The following CACNA2D1 variants were observed in gnomAD, a reference collection of about 807,000 sequenced individuals.
CACNA2D1 encodes the protein calcium voltage-gated channel auxiliary subunit alpha2delta 1.
A neutral mutation model predicts 171.5 loss-of-function variants in CACNA2D1; 53 were observed. The ratio of observed to expected loss-of-function variants is 0.31; its 90% CI spans 0.25 to 0.39. The LOEUF (loss-of-function observed/expected upper bound fraction) is 0.39. Ranked by LOEUF, CACNA2D1 falls within the 10% of genes least tolerant of loss-of-function variation. The pLI, the probability that CACNA2D1 is intolerant of heterozygous loss-of-function variation, is 1.00. For missense variants in CACNA2D1, 903 were observed against 1,299.8 expected (o/e 0.69, Z 4.69); for synonymous variants, 442 against 443.1 (o/e 1.00, Z 0.03).
At chr7:82,111,192 G>T (rs1788328863) in intron 6 of CACNA2D1, among the ~76,000 whole-genome samples, 1 of 149,882 alleles carries the variant, frequency 6.7e-6, no homozygotes, top group Non-Finnish European at 1.5e-5. Flanking sequence ...TGCTTCTGAG[G>T]TAATTAAATG....
intron 38 of CACNA2D1, among the ~76,000 whole-genome samples, chr7:81,951,985 T>TTTGTTTTTTTTTTTTTTG (rs1792634763): frequency 1.3e-5 from 2 of 148,980 alleles, no homozygotes; most frequent in Admixed American, 6.7e-5. Context: ...TTTTTTTTTT[T>TTTGTTTTTTTTTTTTTTG]TTTTTTAACC....
chr7:82,355,212 A>G (rs1193635725), intron 1 of CACNA2D1, among the ~76,000 whole-genome samples: 3 of 152,152 alleles, frequency 2.0e-5, no homozygotes, highest in African/African-American at 7.2e-5. Flanking sequence ...AGAAAGTTTA[A>G]TAGTTTGAAA....
chr7:81,968,990 T>C lies in CACNA2D1; in HGVS notation c.2309-17A>G, dbSNP rs1562794965. 1.6e-6 allele frequency: 2 copies of C among 1,267,118 alleles called. No individual in the cohort carries two copies. The highest frequency in any genetic ancestry group is 2.3e-6 in the Non-Finnish European group (2 of 869,060). The allele number at this position is 1,267,118 out of a possible 1,614,324, so 78.5% of individuals were successfully genotyped here. ...GTCCACTTTCTAAAAAAAAAATAAA[T>C]AAATAAAACACCTATCAAGATATAT... is the stretch of plus-strand genomic sequence containing the variant. On this transcript the variant is annotated splice_polypyrimidine_tract_variant and intron_variant, in intron 28 of 38. Transcript: ENST00000356860.
chr7:82,164,857 C>T (rs1479958772), intron 4 of CACNA2D1, among the ~76,000 whole-genome samples: 2 of 151,762 alleles, frequency 1.3e-5, no homozygotes, highest in African/African-American at 2.4e-5. Context: ...AAATACAGTA[C>T]ACTCCCATTT....
Position 82,349,629 on chromosome 7 carries a change from T to G in CACNA2D1, c.116A>C (p.Lys39Thr), listed in dbSNP as rs776939237. The G allele has an allele frequency of 6.2e-7, 1 of 1,613,688 alleles. No individual in the cohort carries two copies. Among genetic ancestry groups the G allele is most frequent in the South Asian group, 1.1e-5 (1 of 91,078 alleles). Residue 39 changes from lysine (K) to threonine (T), a missense_variant, in exon 2 of 39, where the codon AAG (lysine) becomes ACG (threonine). Lys to Thr is a moderately conservative substitution (Grantham distance 78). Coordinates refer to ENST00000356860, the MANE Select transcript of CACNA2D1 (RefSeq NM_000722.4). ...CAGTGTGACAAGGTCTTCTTGCATC[T>G]TATCCACCCATGATTTGATACTGCA... ...SAVTIKSWVD[K>T]MQEDLVTLAK...
chr7:82,270,185 G>GT (rs936869856), intron 3 of CACNA2D1, among the ~76,000 whole-genome samples: 1 of 151,928 alleles, frequency 6.6e-6, no homozygotes, highest in Non-Finnish European at 1.5e-5. Flanking sequence ...CTTTGTTTTT[G>GT]TTTTTTGCTT....
intron 3 of CACNA2D1, among the ~76,000 whole-genome samples, chr7:82,276,429 C>G (rs1296602508): frequency 6.6e-6 from 1 of 152,150 alleles, no homozygotes; most frequent in African/African-American, 2.4e-5. Context: ...CAGACCCACC[C>G]TGGCCGTGGC....
intron 1 of CACNA2D1, among the ~76,000 whole-genome samples, chr7:82,358,679 T>C (rs986687784): frequency 2.0e-5 from 3 of 151,936 alleles, no homozygotes; most frequent in African/African-American, 7.2e-5. Context: ...TTCTGTTTTT[T>C]TTTTCTGCTC....
chr7:82,348,202 A>C (rs927576919), intron 2 of CACNA2D1, among the ~76,000 whole-genome samples: 5 of 152,050 alleles, frequency 3.3e-5, no homozygotes, highest in Admixed American at 3.3e-4. Flanking sequence ...ATCTAAATGA[A>C]AATTAACAAA....
chr7:81,959,280 C>T lies in CACNA2D1; in HGVS notation c.3154G>A (p.Val1052Ile). The T allele has an allele frequency of 1.9e-6, 3 of 1,597,792 alleles. No individual in the cohort carries two copies. The highest frequency in any genetic ancestry group is 1.3e-5 in the African/African-American group (1 of 74,770). Reference protein sequence around the residue: ...KGPDVCFDNNVLEDYTDCGGV... With the variant: ...KGPDVCFDNNILEDYTDCGGV... ...CAGTAGAAGTGTGATCTTACCAAGA[C>T]ATTGTTATCAAAGCAGACATCAGGC... Residue 1052 changes from valine (V) to isoleucine (I), a missense_variant, in exon 38 of 39, where the codon GTC (valine) becomes ATC (isoleucine). Coordinates refer to ENST00000356860, the MANE Select transcript of CACNA2D1 (RefSeq NM_000722.4).
chr7:82,186,413 A>T (rs1797789132), intron 3 of CACNA2D1, among the ~76,000 whole-genome samples: 1 of 152,080 alleles, frequency 6.6e-6, no homozygotes, highest in South Asian at 2.1e-4. Flanking sequence ...ACTAGAAGTT[A>T]TTTCACCAAA....
chr7:82,413,553 A>C (rs1827885710), intron 1 of CACNA2D1, among the ~76,000 whole-genome samples: 1 of 152,252 alleles, frequency 6.6e-6, no homozygotes, highest in Non-Finnish European at 1.5e-5. Context: ...TACTTGGCAG[A>C]AAAACATTTG....
At chr7:82,299,970 C>A (rs960922336) in intron 3 of CACNA2D1, among the ~76,000 whole-genome samples, 12 of 151,962 alleles carry the variant, frequency 7.9e-5, no homozygotes, top group South Asian at 6.2e-4. Context: ...CTGAAATGGG[C>A]GCGTATGGAT....
At chr7:82,015,929 C>G (rs1800387975) in intron 12 of CACNA2D1, among the ~76,000 whole-genome samples, 1 of 152,176 alleles carries the variant, frequency 6.6e-6, no homozygotes, top group South Asian at 2.1e-4. Flanking sequence ...AGGTGAGCCA[C>G]TCTTACATCA....
intron 3 of CACNA2D1, among the ~76,000 whole-genome samples, chr7:82,202,236 C>T (rs1041164606): frequency 3.9e-5 from 6 of 152,200 alleles, no homozygotes; most frequent in South Asian, 2.1e-4. Flanking sequence ...GACTTGCTGG[C>T]GCCCAGAGAA....
intron 4 of CACNA2D1, among the ~76,000 whole-genome samples, chr7:82,157,098 G>A (rs1054842633): frequency 3.3e-5 from 5 of 152,036 alleles, no homozygotes; most frequent in Non-Finnish European, 5.9e-5. Context: ...AATTCACAAA[G>A]CTTGCAACAT....
chr7:82,049,126 T>TAAAAA (rs10652736), intron 10 of CACNA2D1, among the ~76,000 whole-genome samples: 1 of 139,012 alleles, frequency 7.2e-6, no homozygotes, highest in Non-Finnish European at 1.5e-5. Context: ...TGGCAACTCA[T>TAAAAA]AAAAAAAAAA....
At chr7:82,241,356 T>TA in intron 3 of CACNA2D1, among the ~76,000 whole-genome samples, 1 of 152,312 alleles carries the variant, frequency 6.6e-6, no homozygotes, top group South Asian at 2.1e-4. Context: ...CACCACAAGG[T>TA]AACTGCAGAG....
chr7:82,224,858 C>G (rs1478237960), intron 3 of CACNA2D1, among the ~76,000 whole-genome samples: 1 of 152,036 alleles, frequency 6.6e-6, no homozygotes, highest in Non-Finnish European at 1.5e-5. Flanking sequence ...AGTTGGAATG[C>G]CCCACTGTTG....
Sources: gnomAD v4.1 joint callset for allele counts (sites outside exome capture counted in the v4.1 genomes callset) on GRCh38, gnomAD v4.1.1 for gene constraint, MANE v1.5 for transcripts, NCBI Gene and HGNC (gene_info 2026-07-23, HGNC 2026-07-21) for gene names.